The following DACH1 variants were observed in gnomAD, a reference collection of about 807,000 sequenced individuals.
DACH1 encodes the protein dachshund family transcription factor 1.
Under a neutral mutation model 54.2 loss-of-function variants are expected in DACH1, and 12 were observed. The observed-to-expected ratio is 0.22, with a 90% CI of 0.14 to 0.36. DACH1 has a LOEUF of 0.36. DACH1 is among the 10% of genes least tolerant of loss of function. The pLI, the probability that DACH1 is intolerant of heterozygous loss-of-function variation, is 1.00. For synonymous variants in DACH1, 386 were observed against 366.2 expected (o/e 1.05, Z -0.62); for missense variants, 805 against 929.8 (o/e 0.87, Z 1.75).
chr13:71,708,096 G>A (rs1338974893), intron 1 of DACH1, among the ~76,000 whole-genome samples: 1 of 148,094 alleles, frequency 6.8e-6, no homozygotes, highest in East Asian at 2.0e-4. Context: ...ACAAACTGGC[G>A]ATTTTCACTA....
intron 3 of DACH1, among the ~76,000 whole-genome samples, chr13:71,580,004 G>A (rs1335353178): frequency 6.6e-6 from 1 of 152,082 alleles, no homozygotes; most frequent in African/African-American, 2.4e-5. Flanking sequence ...ACATATTTGG[G>A]TGTCTTGTAA....
intron 1 of DACH1, among the ~76,000 whole-genome samples, chr13:71,705,165 A>C (rs532298490): frequency 6.6e-6 from 1 of 152,314 alleles, no homozygotes; most frequent in South Asian, 2.1e-4. Context: ...AGGACCAAAA[A>C]TTATCAAACA....
At chr13:71,692,682 C>A (rs1291075147) in intron 1 of DACH1, among the ~76,000 whole-genome samples, 3 of 151,454 alleles carry the variant, frequency 2.0e-5, no homozygotes, top group Admixed American at 2.0e-4. Context: ...ACCACCATGC[C>A]CGGCTAATTT....
At chr13:71,757,256 A>G (rs1323396472) in intron 1 of DACH1, among the ~76,000 whole-genome samples, 1 of 152,166 alleles carries the variant, frequency 6.6e-6, no homozygotes, top group East Asian at 1.9e-4. Context: ...AAAAATTAAG[A>G]AAAACTGTTT....
intron 1 of DACH1, among the ~76,000 whole-genome samples, chr13:71,745,991 G>T (rs768473208): frequency 1.3e-5 from 2 of 152,164 alleles, no homozygotes; most frequent in Non-Finnish European, 2.9e-5. Context: ...AGGCCAACGC[G>T]GGTGGATCAC....
chr13:71,776,724 A>C (rs979529750), intron 1 of DACH1, among the ~76,000 whole-genome samples: 4 of 152,140 alleles, frequency 2.6e-5, no homozygotes, highest in Non-Finnish European at 4.4e-5. Flanking sequence ...ATACTGAATA[A>C]AACATATATT....
chr13:71,727,991 G>C lies in DACH1; in HGVS notation c.849-46081C>G, dbSNP rs565760555. On this transcript the variant is annotated intron_variant, in intron 1 of 10. Transcript: ENST00000613252. Reference sequence around the variant, plus strand: ...ACCACACTCTGGAAACCTTCCAACAGGAATGTGATCAGGTGCGAAACTTAA... The same window carrying C: ...ACCACACTCTGGAAACCTTCCAACACGAATGTGATCAGGTGCGAAACTTAA... Among the ~76,000 whole-genome samples, 262 of 152,174 alleles carry C rather than the reference G, an allele frequency of 1.7e-3. 1 individual carries two copies. The highest frequency in any genetic ancestry group is 6.2e-3 in the African/African-American group (256 of 41,566).
intron 1 of DACH1, among the ~76,000 whole-genome samples, chr13:71,838,234 A>G (rs1452306872): frequency 6.6e-6 from 1 of 152,166 alleles, no homozygotes; most frequent in Non-Finnish European, 1.5e-5. Context: ...TAGATGATTT[A>G]AAGTTTGCAG....
intron 6 of DACH1, among the ~76,000 whole-genome samples, chr13:71,495,171 G>A (rs893439794): frequency 4.6e-5 from 7 of 151,958 alleles, no homozygotes; most frequent in Non-Finnish European, 8.8e-5. Context: ...ACATTACAAA[G>A]AGATTCACAA....
At position 71,866,566 on chromosome 13, in the gene DACH1, G is replaced by GGCCGCC. The variant is rs538753327; in HGVS notation, c.198_203dup (p.Ala67_Ala68dup). ...CGCCGCCGCCGGTAGAGGTGACTGT[G>GGCCGCC]GCCGCCGCCGCCGCCGCCGAAGCGA... On this transcript the variant is annotated inframe_insertion, in exon 1 of 11. Transcript: ENST00000613252. 2.1e-5 allele frequency: 27 copies of GGCCGCC among 1,256,210 alleles called. No homozygotes were observed. The highest frequency in any genetic ancestry group is 9.4e-5 in the African/African-American group (6 of 63,676). The allele number at this position is 1,256,210 out of a possible 1,614,324, so 77.8% of individuals were successfully genotyped here. A position where few individuals can be genotyped will look rare whatever the true frequency, so the allele number is the denominator to read the frequency against.
intron 3 of DACH1, among the ~76,000 whole-genome samples, chr13:71,600,337 C>A (rs540575890): frequency 6.6e-6 from 1 of 152,118 alleles, no homozygotes; most frequent in African/African-American, 2.4e-5. Context: ...GCCACTACTA[C>A]TGGCTGGACT....
chr13:71,525,830 T>C (rs2138292632), intron 6 of DACH1, among the ~76,000 whole-genome samples: 1 of 152,312 alleles, frequency 6.6e-6, no homozygotes, highest in East Asian at 1.9e-4. Flanking sequence ...TCAAAAATCC[T>C]AGCATAATAG....
intron 2 of DACH1, among the ~76,000 whole-genome samples, chr13:71,678,841 G>A (rs1328194276): frequency 6.6e-6 from 1 of 151,928 alleles, no homozygotes; most frequent in African/African-American, 2.4e-5. Flanking sequence ...TTGATTTTTG[G>A]TAGAGACTAA....
chr13:71,825,995 G>A (rs1436118599), intron 1 of DACH1, among the ~76,000 whole-genome samples: 1 of 152,032 alleles, frequency 6.6e-6, no homozygotes, highest in African/African-American at 2.4e-5. Flanking sequence ...AAGCTAAAGA[G>A]ATGGAAAGAA....
chr13:71,650,010 C>T (rs1432990829), intron 2 of DACH1, among the ~76,000 whole-genome samples: 6 of 152,192 alleles, frequency 3.9e-5, no homozygotes, highest in African/African-American at 1.2e-4. Flanking sequence ...AGGCCAAGCA[C>T]TTTGACCTTT....
intron 1 of DACH1, among the ~76,000 whole-genome samples, chr13:71,811,705 A>C (rs2138152263): frequency 6.6e-6 from 1 of 152,320 alleles, no homozygotes; most frequent in East Asian, 1.9e-4. Flanking sequence ...TGGTGCAGAG[A>C]GCAAGTAACA....
intron 1 of DACH1, among the ~76,000 whole-genome samples, chr13:71,851,516 T>C (rs1055308632): frequency 6.6e-5 from 10 of 152,126 alleles, no homozygotes; most frequent in African/African-American, 1.7e-4. Flanking sequence ...TTAGCAGCAG[T>C]TTTGTAAATA....
intron 10 of DACH1, among the ~76,000 whole-genome samples, chr13:71,467,321 G>A (rs1217680552): frequency 1.5e-5 from 2 of 135,646 alleles, no homozygotes; most frequent in Non-Finnish European, 3.1e-5. Flanking sequence ...GACACAGGAA[G>A]GGGAACATCA....
At chr13:71,762,221 G>C (rs574117522) in intron 1 of DACH1, among the ~76,000 whole-genome samples, 1 of 152,024 alleles carries the variant, frequency 6.6e-6, no homozygotes, top group Non-Finnish European at 1.5e-5. Context: ...ACTCCCCCAT[G>C]CCAAGCCCAT....
Sources: allele counts gnomAD v4.1 joint callset (sites outside exome capture counted in the v4.1 genomes callset), GRCh38; gene constraint gnomAD v4.1.1; transcripts MANE v1.5; gene names NCBI Gene and HGNC (gene_info 2026-07-23, HGNC 2026-07-21).